The following SARNP variants were observed in gnomAD, a reference collection of about 807,000 sequenced individuals.
SARNP encodes SAP domain containing ribonucleoprotein, also known as SAP domain-containing ribonucleoprotein.
Under a neutral mutation model 38.1 loss-of-function variants are expected in SARNP, and 5 were observed. The observed-to-expected ratio is 0.13, with a 90% CI of 0.07 to 0.28. The LOEUF (loss-of-function observed/expected upper bound fraction) is 0.28. SARNP is among the 10% of genes least tolerant of loss of function. SARNP has a pLI of 1.00. For synonymous variants in SARNP, 84 were observed against 80.6 expected (o/e 1.04, Z -0.23); for missense variants, 180 against 243.9 (o/e 0.74, Z 1.75).
At chr12:55,769,649 C>A (rs2136182367) in intron 9 of SARNP, among the ~76,000 whole-genome samples, 1 of 152,324 alleles carries the variant, frequency 6.6e-6, no homozygotes, top group African/African-American at 2.4e-5. Flanking sequence ...CAAATGGTCT[C>A]CAACTTATGA....
intron 9 of SARNP, among the ~76,000 whole-genome samples, chr12:55,775,431 C>T (rs1220304082): frequency 6.8e-6 from 1 of 147,228 alleles, no homozygotes. Flanking sequence ...CATGGTGGTG[C>T]ATACTTGCAG....
chr12:55,760,547 T>C lies in SARNP; in HGVS notation c.591+4A>G. 6.3e-7 allele frequency: 1 copy of C among 1,579,870 alleles called. No individual in the cohort carries two copies. Among genetic ancestry groups the C allele is most frequent in the Non-Finnish European group, 8.7e-7 (1 of 1,148,690 alleles). On this transcript the variant is annotated splice_donor_region_variant and intron_variant, in intron 10 of 10. Coordinates refer to ENST00000336133, the MANE Select transcript of SARNP (RefSeq NM_033082.4). ...TCTATGAAGCGTTCCAGGTATATTT[T>C]TACCTCTGTATCCTCTGTGGTTCCA...
chr12:55,773,661 A>G (rs943390850), intron 9 of SARNP, among the ~76,000 whole-genome samples: 1 of 152,212 alleles, frequency 6.6e-6, no homozygotes, highest in Admixed American at 6.5e-5. Context: ...GAACTGACAC[A>G]AAGGAAAAGG....
intron 5 of SARNP, among the ~76,000 whole-genome samples, chr12:55,795,813 C>T (rs562147822): frequency 2.6e-4 from 39 of 152,262 alleles, no homozygotes; most frequent in African/African-American, 8.4e-4. Flanking sequence ...CATAATATTA[C>T]ATATAAAAAG....
chr12:55,768,272 C>T (rs978821127), intron 9 of SARNP, among the ~76,000 whole-genome samples: 13 of 151,074 alleles, frequency 8.6e-5, no homozygotes, highest in African/African-American at 3.2e-4. Flanking sequence ...ATTACAGGTG[C>T]CTGCCACCAC....
intron 9 of SARNP, among the ~76,000 whole-genome samples, chr12:55,774,862 C>A (rs1592561955): frequency 1.3e-5 from 2 of 151,316 alleles, no homozygotes; most frequent in African/African-American, 4.9e-5. Context: ...TATACAACAC[C>A]CTGAAAACAC....
intron 9 of SARNP, among the ~76,000 whole-genome samples, chr12:55,770,190 A>G (rs1878963311): frequency 6.6e-6 from 1 of 151,506 alleles, no homozygotes; most frequent in African/African-American, 2.4e-5. Context: ...CTCAGAAGAA[A>G]AAAGAGAGAG....
At chr12:55,801,660 C>T (rs1281654866) in intron 2 of SARNP, among the ~76,000 whole-genome samples, 1 of 152,094 alleles carries the variant, frequency 6.6e-6, no homozygotes, top group East Asian at 1.9e-4. Flanking sequence ...ACTCTGTCGC[C>T]CAGATAAAGT....
At chr12:55,760,751 G>A in intron 9 of SARNP, 111 bp from the exon 10 acceptor site, 2 of 712,116 alleles carry the variant, frequency 2.8e-6, no homozygotes, top group South Asian at 1.6e-5. Flanking sequence ...CCTGTGCCAA[G>A]AACTAAGGAT....
chr12:55,781,557 AAAAC>A (rs1336966424), intron 9 of SARNP, among the ~76,000 whole-genome samples: 23 of 151,826 alleles, frequency 1.5e-4, no homozygotes, highest in African/African-American at 3.9e-4. Context: ...AACAAAAACA[AAAAC>A]AAACAGACAA....
intron 9 of SARNP, among the ~76,000 whole-genome samples, chr12:55,768,733 C>CT (rs1246504003): frequency 2.0e-5 from 3 of 151,238 alleles, no homozygotes; most frequent in Non-Finnish European, 2.9e-5. Flanking sequence ...CAGCCTCTTT[C>CT]TTTTTTTTGA....
chr12:55,761,185 A>G (rs1313451850), intron 9 of SARNP, among the ~76,000 whole-genome samples: 2 of 152,058 alleles, frequency 1.3e-5, no homozygotes, highest in Non-Finnish European at 2.9e-5. Flanking sequence ...CAAAAAAAAA[A>G]ATAATAAATA....
chr12:55,761,884 C>T (rs1444819045), intron 9 of SARNP: 2 of 152,208 alleles, frequency 1.3e-5, no homozygotes, highest in Non-Finnish European at 2.9e-5. Flanking sequence ...CTCATTCTCT[C>T]ATAATCTCAA....
chr12:55,801,657 C>T (rs781063760), intron 2 of SARNP, among the ~76,000 whole-genome samples: 1 of 152,120 alleles, frequency 6.6e-6, no homozygotes, highest in Non-Finnish European at 1.5e-5. Flanking sequence ...CTTACTCTGT[C>T]GCCCAGATAA....
chr12:55,800,042 C>T (rs1242498098), intron 4 of SARNP, among the ~76,000 whole-genome samples: 1 of 151,598 alleles, frequency 6.6e-6, no homozygotes, highest in Non-Finnish European at 1.5e-5. Context: ...ATACAAAAAT[C>T]AGTCGGGCAG....
chr12:55,792,063 C>T (rs1429117673), intron 7 of SARNP, among the ~76,000 whole-genome samples: 1 of 152,000 alleles, frequency 6.6e-6, no homozygotes, highest in Non-Finnish European at 1.5e-5. Context: ...TCAAGTCCAG[C>T]CTGGGCAATA....
intron 1 of SARNP, among the ~76,000 whole-genome samples, chr12:55,808,525 G>A (rs757443085): frequency 6.6e-6 from 1 of 152,006 alleles, no homozygotes; most frequent in African/African-American, 2.4e-5. Context: ...TCGAACTCTC[G>A]ACCTCAGGTG....
At chr12:55,788,919 T>G (rs757545226) in intron 9 of SARNP, among the ~76,000 whole-genome samples, 156 bp downstream of exon 9, 1 of 152,120 alleles carries the variant, frequency 6.6e-6, no homozygotes, top group Non-Finnish European at 1.5e-5. Context: ...TGTAACATAA[T>G]CAAGAGTCAG....
At chr12:55,800,708 A>G in intron 3 of SARNP, 79 bp from the exon 4 acceptor site, 1 of 1,344,964 alleles carries the variant, frequency 7.4e-7, no homozygotes. Flanking sequence ...CAGAACTCCA[A>G]AATAAACCAG....
Sources: allele counts gnomAD v4.1 joint callset (sites outside exome capture counted in the v4.1 genomes callset), GRCh38; gene constraint gnomAD v4.1.1; transcripts MANE v1.5; gene names NCBI Gene and HGNC (gene_info 2026-07-23, HGNC 2026-07-21).